The following ROBO2 variants were observed in gnomAD, a reference collection of about 807,000 sequenced individuals.
The protein encoded by ROBO2 is roundabout guidance receptor 2.
A neutral mutation model predicts 160.8 loss-of-function variants in ROBO2; 53 were observed. That is an observed-to-expected ratio of 0.33 (90% CI 0.26 to 0.41). The LOEUF is 0.41. Ranked by LOEUF, ROBO2 falls within the 10% of genes least tolerant of loss-of-function variation. The pLI, the probability that ROBO2 is intolerant of heterozygous loss-of-function variation, is 1.00. For synonymous variants in ROBO2, 664 were observed against 611.7 expected (o/e 1.09, Z -1.26); for missense variants, 1,577 against 1,722.4 (o/e 0.92, Z 1.49).
chr3:77,057,398 C>T (rs1333891140), intron 1 of ROBO2, among the ~76,000 whole-genome samples: 2 of 151,870 alleles, frequency 1.3e-5, no homozygotes, highest in Non-Finnish European at 2.9e-5. Context: ...CAACATGGCA[C>T]ATGTACACAT....
chr3:76,324,858 C>G (rs1006178496), intron 2 of ROBO2, among the ~76,000 whole-genome samples: 2 of 152,188 alleles, frequency 1.3e-5, no homozygotes, highest in African/African-American at 4.8e-5. Context: ...ACAGATCAGT[C>G]TCCTTTGGGA....
At chr3:76,871,828 G>A (rs1399989062) in intron 2 of ROBO2, among the ~76,000 whole-genome samples, 1 of 152,094 alleles carries the variant, frequency 6.6e-6, no homozygotes, top group Non-Finnish European at 1.5e-5. Flanking sequence ...ACCAGCTCTT[G>A]CTTACATTAG....
At chr3:77,015,545 A>T (rs1016173080) in intron 2 of ROBO2, among the ~76,000 whole-genome samples, 4 of 152,222 alleles carry the variant, frequency 2.6e-5, no homozygotes, top group Non-Finnish European at 5.9e-5. Flanking sequence ...GATGACATTT[A>T]ACAATGTTGG....
intron 2 of ROBO2, among the ~76,000 whole-genome samples, chr3:76,356,557 A>C (rs72630402): frequency 0.13 from 19,342 of 151,570 alleles, 2,501 homozygotes; most frequent in East Asian, 0.44. Context: ...ATTGAGACTT[A>C]ACAATTATAT....
intron 2 of ROBO2, among the ~76,000 whole-genome samples, chr3:75,948,149 G>A (rs1468498405): frequency 1.3e-5 from 2 of 152,018 alleles, no homozygotes; most frequent in South Asian, 2.1e-4. Flanking sequence ...AGCATTAATG[G>A]GAATAAGGAT....
At chr3:76,811,571 A>T (rs992529646) in intron 2 of ROBO2, among the ~76,000 whole-genome samples, 31 of 152,154 alleles carry the variant, frequency 2.0e-4, no homozygotes, top group African/African-American at 7.5e-4. Flanking sequence ...ACCCATAACT[A>T]CAAGTTTTGG....
chr3:77,602,102 T>C, intron 19 of ROBO2, 108 bp from the exon 21 acceptor site: 1 of 1,146,318 alleles, frequency 8.7e-7, no homozygotes, highest in Non-Finnish European at 1.3e-6. Flanking sequence ...CCATCTCAGC[T>C]GAAATGCAAA....
intron 2 of ROBO2, among the ~76,000 whole-genome samples, chr3:76,453,977 T>A (rs986101268): frequency 6.6e-6 from 1 of 152,140 alleles, no homozygotes; most frequent in African/African-American, 2.4e-5. Flanking sequence ...TACCTGTCTA[T>A]TGTCACCTGG....
At chr3:77,029,706 A>T (rs2063193800) in intron 2 of ROBO2, among the ~76,000 whole-genome samples, 1 of 152,208 alleles carries the variant, frequency 6.6e-6, no homozygotes, top group Non-Finnish European at 1.5e-5. Flanking sequence ...TTTTGATATG[A>T]TCCTTATTAT....
At chr3:76,446,703 A>G (rs1421247373) in intron 2 of ROBO2, among the ~76,000 whole-genome samples, 1 of 152,168 alleles carries the variant, frequency 6.6e-6, no homozygotes, top group Non-Finnish European at 1.5e-5. Flanking sequence ...ATATAGACCA[A>G]TGGAACAGAA....
At chr3:76,870,178 T>G (rs1274323876) in intron 2 of ROBO2, among the ~76,000 whole-genome samples, 1 of 152,176 alleles carries the variant, frequency 6.6e-6, no homozygotes, top group Non-Finnish European at 1.5e-5. Flanking sequence ...TGAACAGATG[T>G]TTGAGTTGTA....
chr3:77,560,151 A>T (rs1175681897), intron 9 of ROBO2, among the ~76,000 whole-genome samples: 1 of 152,050 alleles, frequency 6.6e-6, no homozygotes, highest in Non-Finnish European at 1.5e-5. Context: ...GTGCTTGATG[A>T]TGTCAAACAA....
At chr3:76,442,775 A>G (rs2076985038) in intron 2 of ROBO2, among the ~76,000 whole-genome samples, 1 of 152,036 alleles carries the variant, frequency 6.6e-6, no homozygotes, top group Admixed American at 6.6e-5. Flanking sequence ...CATTCTTTTT[A>G]CCAGAGTGAC....
chr3:77,216,131 G>C (rs1488031081), intron 2 of ROBO2, among the ~76,000 whole-genome samples: 2 of 152,216 alleles, frequency 1.3e-5, no homozygotes, highest in South Asian at 4.1e-4. Flanking sequence ...ATTTAAGTCT[G>C]CAGAGGTTTC....
At chr3:76,730,382 T>C (rs1445835665) in intron 2 of ROBO2, among the ~76,000 whole-genome samples, 7 of 45,864 alleles carry the variant, frequency 1.5e-4, no homozygotes, top group Admixed American at 4.5e-4. Flanking sequence ...CCTCACCTCC[T>C]ACTCCCTACC....
intron 2 of ROBO2, among the ~76,000 whole-genome samples, chr3:76,160,485 G>A (rs184231291): frequency 1.3e-5 from 2 of 152,278 alleles, no homozygotes; most frequent in East Asian, 3.9e-4. Flanking sequence ...ACATGTACAA[G>A]ATGATTTTTT....
At chr3:76,203,124 A>AACAATGT (rs1314713875) in intron 2 of ROBO2, among the ~76,000 whole-genome samples, 1 of 152,154 alleles carries the variant, frequency 6.6e-6, no homozygotes, top group African/African-American at 2.4e-5. Context: ...GATTGCCTAA[A>AACAATGT]ACAATGTACC....
intron 2 of ROBO2, among the ~76,000 whole-genome samples, chr3:76,905,956 G>T (rs2075574619): frequency 6.6e-6 from 1 of 152,046 alleles, no homozygotes; most frequent in South Asian, 2.1e-4. Context: ...CTCATCAAGG[G>T]ATAGTTTTGA....
At chr3:76,163,352 C>T (rs1320770187) in intron 2 of ROBO2, among the ~76,000 whole-genome samples, 1 of 151,512 alleles carries the variant, frequency 6.6e-6, no homozygotes, top group Non-Finnish European at 1.5e-5. Context: ...TTTTCTAATA[C>T]TGAGAATACC....
Sources: allele counts gnomAD v4.1 joint callset (sites outside exome capture counted in the v4.1 genomes callset), GRCh38; gene constraint gnomAD v4.1.1; transcripts MANE v1.5; gene names NCBI Gene and HGNC (gene_info 2026-07-23, HGNC 2026-07-21).